NEGR1: variants seen among roughly 807,000 people sequenced by gnomAD.
The protein encoded by NEGR1 is IgLON family member 4.
A neutral mutation model predicts 40.9 loss-of-function variants in NEGR1; 10 were observed. The ratio of observed to expected loss-of-function variants is 0.24; its 90% CI spans 0.15 to 0.42. The LOEUF (loss-of-function observed/expected upper bound fraction) is 0.42, where lower values mean the gene tolerates loss of function less well. Ranked by LOEUF, NEGR1 falls within the 10% of genes least tolerant of loss-of-function variation. The pLI is 1.00. For synonymous variants in NEGR1, 185 were observed against 166.8 expected, an observed-to-expected ratio of 1.11 and a Z score of -0.84; for missense variants, 352 against 438.9, an observed-to-expected ratio of 0.80 and a Z score of 1.77.
At chr1:71,926,304 T>C (rs908622441) in intron 2 of NEGR1, among the ~76,000 whole-genome samples, 1 of 151,848 alleles carries the variant, frequency 6.6e-6, no homozygotes, top group Non-Finnish European at 1.5e-5. Context: ...CCCAGATATG[T>C]TTTTATGGAA....
intron 2 of NEGR1, among the ~76,000 whole-genome samples, chr1:71,789,056 CCA>C (rs1226795254): frequency 6.6e-6 from 1 of 151,970 alleles, no homozygotes; most frequent in African/African-American, 2.4e-5. Flanking sequence ...AAAGGCGATA[CCA>C]AGATATTTTT....
chr1:71,902,367 G>A (rs1013085412), intron 2 of NEGR1, among the ~76,000 whole-genome samples: 1 of 152,170 alleles, frequency 6.6e-6, no homozygotes, highest in African/African-American at 2.4e-5. Context: ...AAACCTGATA[G>A]AGTTTAACAG....
At chr1:71,573,911 T>C (rs746775270) in intron 6 of NEGR1, among the ~76,000 whole-genome samples, 16 of 152,190 alleles carry the variant, frequency 1.1e-4, no homozygotes, top group Non-Finnish European at 2.2e-4. Context: ...AGGATACACC[T>C]ACCATTTTTA....
chr1:71,565,797 A>G (rs1452557268), intron 6 of NEGR1, among the ~76,000 whole-genome samples: 5 of 152,210 alleles, frequency 3.3e-5, no homozygotes, highest in Non-Finnish European at 7.3e-5. Flanking sequence ...TCTTAGGAAC[A>G]ATTTCAATAG....
At chr1:71,924,547 CA>C (rs1344869286) in intron 2 of NEGR1, among the ~76,000 whole-genome samples, 1 of 152,128 alleles carries the variant, frequency 6.6e-6, no homozygotes, top group Non-Finnish European at 1.5e-5. Context: ...CCCATTTGTT[CA>C]AGTCAAAACC....
Position 71,403,980 on chromosome 1 carries a change from A to G in NEGR1, c.*3466T>C. The stretch of plus-strand genomic sequence containing the variant: ...TGACCTCTTTTTAAATCATTTCTGG[A>G]TTTCAAAAAACAATTTTTATTGAAA... On this transcript the variant is annotated 3_prime_UTR_variant, in exon 7 of 7. Transcript: ENST00000357731. The G allele has an allele frequency of 2.8e-6, 1 of 354,190 alleles. No homozygotes were observed. The highest frequency in any genetic ancestry group is 5.1e-6 in the Non-Finnish European group (1 of 194,788). 21.9% of individuals were successfully genotyped at this position (354,190 alleles called of 1,614,324 possible).
intron 1 of NEGR1, among the ~76,000 whole-genome samples, chr1:72,079,086 A>AAT (rs67575298): frequency 0.011 from 1,582 of 142,380 alleles, 22 homozygotes; most frequent in African/African-American, 0.032. Flanking sequence ...CATTTAACAG[A>AAT]ATATATATAT....
chr1:71,670,749 C>A (rs1157301295), intron 4 of NEGR1, among the ~76,000 whole-genome samples: 1 of 151,572 alleles, frequency 6.6e-6, no homozygotes, highest in Non-Finnish European at 1.5e-5. Flanking sequence ...CTCCTCAGCT[C>A]TGGAAAAATT....
chr1:71,559,535 C>G (rs537515270), intron 6 of NEGR1, among the ~76,000 whole-genome samples: 6 of 151,706 alleles, frequency 4.0e-5, no homozygotes, highest in African/African-American at 1.4e-4. Flanking sequence ...ATGCACATTT[C>G]TATGGATTTT....
intron 4 of NEGR1, among the ~76,000 whole-genome samples, chr1:71,634,821 A>G (rs1317505509): frequency 2.6e-5 from 4 of 152,124 alleles, no homozygotes; most frequent in Non-Finnish European, 5.9e-5. Context: ...CTTAGATATT[A>G]TTAACAAGTA....
intron 2 of NEGR1, among the ~76,000 whole-genome samples, chr1:71,924,638 G>C (rs912333038): frequency 2.0e-5 from 3 of 152,092 alleles, no homozygotes; most frequent in Non-Finnish European, 2.9e-5. Flanking sequence ...CTCTTGTTTG[G>C]GTTTGGCATT....
chr1:71,862,086 C>A (rs1557680579), intron 2 of NEGR1, among the ~76,000 whole-genome samples: 1 of 151,924 alleles, frequency 6.6e-6, no homozygotes, highest in Non-Finnish European at 1.5e-5. Context: ...ATATGTAATC[C>A]ATATTGTTTT....
At chr1:72,006,113 A>T (rs1354606527) in intron 1 of NEGR1, among the ~76,000 whole-genome samples, 1 of 152,212 alleles carries the variant, frequency 6.6e-6, no homozygotes, top group African/African-American at 2.4e-5. Flanking sequence ...TAACCCACAT[A>T]TATTTGAAAT....
At chr1:72,061,060 C>T (rs947519891) in intron 1 of NEGR1, among the ~76,000 whole-genome samples, 1 of 151,612 alleles carries the variant, frequency 6.6e-6, no homozygotes, top group Non-Finnish European at 1.5e-5. Flanking sequence ...TGTGGATTTC[C>T]TCACTCAGGG....
At chr1:71,947,785 A>T (rs931752393) in intron 1 of NEGR1, among the ~76,000 whole-genome samples, 2 of 129,898 alleles carry the variant, frequency 1.5e-5, no homozygotes, top group Non-Finnish European at 3.3e-5. Flanking sequence ...TAAAAAAAAA[A>T]AAATATGGAA....
intron 1 of NEGR1, among the ~76,000 whole-genome samples, chr1:72,241,319 T>C (rs1654736094): frequency 6.6e-6 from 1 of 151,500 alleles, no homozygotes; most frequent in Non-Finnish European, 1.5e-5. Flanking sequence ...ATAGCAAATA[T>C]TCAGAAGGGT....
chr1:71,576,469 A>T (rs1276719001), intron 6 of NEGR1, among the ~76,000 whole-genome samples: 1 of 152,234 alleles, frequency 6.6e-6, no homozygotes, highest in African/African-American at 2.4e-5. Context: ...TCTAGCCCTC[A>T]GTTATCTAGA....
intron 2 of NEGR1, among the ~76,000 whole-genome samples, chr1:71,883,829 G>T (rs1200405912): frequency 6.8e-6 from 1 of 147,382 alleles, no homozygotes; most frequent in East Asian, 2.0e-4. Flanking sequence ...TGTGGTGTTT[G>T]GTTTTCTGTC....
chr1:72,039,101 G>T (rs1569861590), intron 1 of NEGR1, among the ~76,000 whole-genome samples: 1 of 151,978 alleles, frequency 6.6e-6, no homozygotes, highest in Non-Finnish European at 1.5e-5. Flanking sequence ...AGAACAGAAT[G>T]AGTCAAGGCA....
Sources: gnomAD v4.1 joint callset for allele counts (sites outside exome capture counted in the v4.1 genomes callset) on GRCh38, gnomAD v4.1.1 for gene constraint, MANE v1.5 for transcripts, NCBI Gene and HGNC (gene_info 2026-07-23, HGNC 2026-07-21) for gene names.